The following SGCE variants were observed in gnomAD, a reference collection of about 807,000 sequenced individuals.
SGCE encodes the protein sarcoglycan epsilon.
A neutral mutation model predicts 57.8 loss-of-function variants in SGCE; 26 were observed. The observed-to-expected ratio is 0.45, with a 90% CI of 0.33 to 0.62. SGCE has a LOEUF of 0.62. Among genes scored for constraint, SGCE ranks in the 20% least tolerant of loss-of-function variants. The pLI, the probability that SGCE is intolerant of heterozygous loss-of-function variation, is 0.02. For synonymous variants in SGCE, 183 were observed against 189.5 expected, an observed-to-expected ratio of 0.97 and a Z score of 0.28; for missense variants, 468 against 548.6, an observed-to-expected ratio of 0.85 and a Z score of 1.47.
At chr7:94,647,996 G>C (rs998535420) in intron 1 of SGCE, among the ~76,000 whole-genome samples, 2 of 152,082 alleles carry the variant, frequency 1.3e-5, no homozygotes, top group South Asian at 4.1e-4. Flanking sequence ...AGTGTAAAAA[G>C]TTCCACGATA....
intron 7 of SGCE, 53 bp from the exon 8 acceptor site, chr7:94,599,776 A>G: frequency 8.2e-7 from 1 of 1,223,904 alleles, no homozygotes; most frequent in South Asian, 1.2e-5. Context: ...TATTTGGAAC[A>G]TTAAGACTAT....
intron 3 of SGCE, chr7:94,625,927 A>C (rs1197508386): frequency 1.3e-5 from 2 of 152,118 alleles, no homozygotes; most frequent in African/African-American, 4.8e-5. Context: ...TAGGACTGCC[A>C]GATAATAAGG....
chr7:94,610,548 CTATT>C (rs1800856938), intron 5 of SGCE, among the ~76,000 whole-genome samples: 1 of 152,100 alleles, frequency 6.6e-6, no homozygotes, highest in South Asian at 2.1e-4. Context: ...AGAGCTAAAA[CTATT>C]AAACTCTGAG....
At chr7:94,587,490 G>A (rs1797062068) in intron 10 of SGCE, 13 of 1,281,438 alleles carry the variant, frequency 1.0e-5, no homozygotes, top group Admixed American at 4.3e-5. Context: ...CATTTCTATC[G>A]TAGAAGTATT....
intron 1 of SGCE, among the ~76,000 whole-genome samples, chr7:94,647,579 A>G (rs1807276528): frequency 1.3e-5 from 2 of 152,200 alleles, no homozygotes; most frequent in African/African-American, 4.8e-5. Context: ...TGCTCTTAGT[A>G]TAAAGATTAA....
At chr7:94,600,551 T>C (rs1311479388) in intron 7 of SGCE, 95 bp downstream of exon 7, 1 of 874,056 alleles carries the variant, frequency 1.1e-6, no homozygotes, top group African/African-American at 1.7e-5. Flanking sequence ...TACAAAGTGT[T>C]TTATGAACCA....
chr7:94,619,131 T>C (rs956962697), intron 4 of SGCE, 175 bp from the exon 5 acceptor site: 1 of 613,694 alleles, frequency 1.6e-6, no homozygotes, highest in Non-Finnish European at 2.9e-6. Context: ...AAAACATAAC[T>C]GACATTAGAA....
chr7:94,601,466 A>AAAC (rs1799244167), intron 6 of SGCE, among the ~76,000 whole-genome samples: 1 of 118,412 alleles, frequency 8.4e-6, no homozygotes, highest in East Asian at 2.3e-4. Context: ...AAAAAAAAAA[A>AAAC]AAAAAAAAAA....
At chr7:94,647,628 T>C (rs1807285927) in intron 1 of SGCE, among the ~76,000 whole-genome samples, 1 of 152,228 alleles carries the variant, frequency 6.6e-6, no homozygotes, top group Non-Finnish European at 1.5e-5. Flanking sequence ...CAAAATTTGT[T>C]CCCTGACCTC....
intron 9 of SGCE, chr7:94,588,983 C>T: frequency 4.0e-6 from 2 of 501,638 alleles, no homozygotes; most frequent in Non-Finnish European, 7.2e-6. Flanking sequence ...TCACAACAAC[C>T]CTAAGAGGTA....
intron 3 of SGCE, chr7:94,624,748 A>G (rs1475036252): frequency 6.6e-6 from 1 of 152,180 alleles, no homozygotes; most frequent in Non-Finnish European, 1.5e-5. Context: ...TTGTTACAAT[A>G]TCATGAAGCT....
At chr7:94,636,231 G>T (rs552480162) in intron 1 of SGCE, among the ~76,000 whole-genome samples, 9 of 152,260 alleles carry the variant, frequency 5.9e-5, no homozygotes, top group Middle Eastern at 3.4e-3. Context: ...GCAAACCATT[G>T]CTAATTGGTG....
chr7:94,631,247 G>A (rs62465758), intron 1 of SGCE, among the ~76,000 whole-genome samples: 10,902 of 151,520 alleles, frequency 0.072, 444 homozygotes, highest in East Asian at 0.14. Flanking sequence ...CCCATTCCGC[G>A]AAACAAGAAT....
chr7:94,628,661 C>T (rs1804154809), intron 2 of SGCE: 1 of 349,446 alleles, frequency 2.9e-6, no homozygotes. Flanking sequence ...AACTATCTTT[C>T]AGGAGAATTC....
intron 1 of SGCE, among the ~76,000 whole-genome samples, chr7:94,638,413 G>A (rs899023099): frequency 6.6e-6 from 1 of 152,152 alleles, no homozygotes; most frequent in African/African-American, 2.4e-5. Context: ...CAACTTCAGA[G>A]ATGTATGAAG....
At chr7:94,644,721 G>T (rs1387444508) in intron 1 of SGCE, 10 of 819,792 alleles carry the variant, frequency 1.2e-5, no homozygotes, top group Non-Finnish European at 1.8e-5. Context: ...TAGCTCACGT[G>T]TCCGGCATCC....
intron 7 of SGCE, chr7:94,600,054 T>A: frequency 4.2e-6 from 1 of 237,802 alleles, no homozygotes; most frequent in South Asian, 8.1e-5. Flanking sequence ...TTTTTATCCT[T>A]TGCTTTGTTG....
chr7:94,617,818 T>C (rs1802161263), intron 5 of SGCE: 1 of 152,222 alleles, frequency 6.6e-6, no homozygotes, highest in South Asian at 2.1e-4. Context: ...CATCCATGTG[T>C]ACATAGTTCT....
intron 5 of SGCE, among the ~76,000 whole-genome samples, chr7:94,610,588 T>A (rs1482489438): frequency 6.6e-6 from 1 of 152,142 alleles, no homozygotes; most frequent in East Asian, 1.9e-4. Context: ...AATATGACCT[T>A]GGATTAGGCA....
Sources: allele counts gnomAD v4.1 joint callset (sites outside exome capture counted in the v4.1 genomes callset), GRCh38; gene constraint gnomAD v4.1.1; transcripts MANE v1.5; gene names NCBI Gene and HGNC (gene_info 2026-07-23, HGNC 2026-07-21).